The following CRY1 variants were observed in gnomAD, a reference collection of about 807,000 sequenced individuals.
CRY1 encodes cryptochrome circadian regulator 1.
Under a neutral mutation model 76.0 loss-of-function variants are expected in CRY1, and 45 were observed. The ratio of observed to expected loss-of-function variants is 0.59; its 90% CI spans 0.47 to 0.76. CRY1 has a LOEUF of 0.76. Ranked by LOEUF, CRY1 falls within the 30% of genes least tolerant of loss-of-function variation. CRY1 has a pLI of 0.00. For synonymous variants in CRY1, 248 were observed against 244.0 expected, an observed-to-expected ratio of 1.02 and a Z score of -0.15; for missense variants, 587 against 716.4, an observed-to-expected ratio of 0.82 and a Z score of 2.06.
intron 1 of CRY1, chr12:107,050,426 A>G (rs776346028): frequency 6.6e-6 from 1 of 152,238 alleles, no homozygotes; most frequent in Non-Finnish European, 1.5e-5. Context: ...GGTTGGTGCT[A>G]TCGTCATGAT....
At chr12:107,014,285 G>A (rs985387265) in intron 2 of CRY1, among the ~76,000 whole-genome samples, 4 of 152,122 alleles carry the variant, frequency 2.6e-5, no homozygotes, top group African/African-American at 9.7e-5. Context: ...CTTATCAGAG[G>A]GTATAAATAG....
chr12:107,044,550 A>G (rs1306256136), intron 1 of CRY1, among the ~76,000 whole-genome samples: 1 of 152,236 alleles, frequency 6.6e-6, no homozygotes, highest in Admixed American at 6.5e-5. Context: ...TATTTTAGGA[A>G]GTTTGGAAGA....
At chr12:106,997,798 AC>A in intron 8 of CRY1, 108 bp from the exon 9 acceptor site, 1 of 1,523,550 alleles carries the variant, frequency 6.6e-7, no homozygotes, top group East Asian at 2.3e-5. Flanking sequence ...TGATCTGTTT[AC>A]CCTTCTCATC....
At chr12:107,063,351 T>C (rs1953070645) in intron 1 of CRY1, among the ~76,000 whole-genome samples, 1 of 152,216 alleles carries the variant, frequency 6.6e-6, no homozygotes, top group Non-Finnish European at 1.5e-5. Context: ...GGTTGAGTTG[T>C]CAATTACCTG....
chr12:106,996,635 T>C (rs1393421898), intron 10 of CRY1, among the ~76,000 whole-genome samples: 1 of 152,230 alleles, frequency 6.6e-6, no homozygotes, highest in Non-Finnish European at 1.5e-5. Flanking sequence ...CAGCATCTGT[T>C]GTTTCTTGAC....
At chr12:107,010,390 C>A (rs1206259883) in intron 2 of CRY1, among the ~76,000 whole-genome samples, 1 of 152,148 alleles carries the variant, frequency 6.6e-6, no homozygotes. Flanking sequence ...GAAAAATTTA[C>A]AAGGGCAACT....
intron 1 of CRY1, among the ~76,000 whole-genome samples, chr12:107,081,158 T>C (rs533247557): frequency 6.6e-6 from 1 of 152,192 alleles, no homozygotes; most frequent in East Asian, 1.9e-4. Context: ...TAGATTTGGT[T>C]ACTGAAAATT....
intron 10 of CRY1, among the ~76,000 whole-genome samples, chr12:106,994,050 AAAC>A (rs1248895081): frequency 6.6e-6 from 1 of 150,990 alleles, no homozygotes; most frequent in Non-Finnish European, 1.5e-5. Context: ...GTCATTAAAA[AAAC>A]AAACAAAAAC....
At chr12:107,056,881 C>T (rs1277978440) in intron 1 of CRY1, among the ~76,000 whole-genome samples, 2 of 151,902 alleles carry the variant, frequency 1.3e-5, no homozygotes, top group African/African-American at 4.8e-5. Context: ...AACCCAGAAA[C>T]CTAAAATTCT....
intron 1 of CRY1, among the ~76,000 whole-genome samples, chr12:107,047,268 T>C (rs1268735396): frequency 1.3e-5 from 2 of 152,204 alleles, no homozygotes; most frequent in Admixed American, 6.5e-5. Context: ...CACTTCTGAA[T>C]GACCAGTGGA....
At chr12:107,021,963 A>T in intron 2 of CRY1, 121 bp downstream of exon 2, 1 of 751,928 alleles carries the variant, frequency 1.3e-6, no homozygotes. Context: ...AAAAACCCAC[A>T]AAATTTTTAC....
At chr12:107,006,247 A>G (rs1362457042) in intron 2 of CRY1, among the ~76,000 whole-genome samples, 1 of 151,974 alleles carries the variant, frequency 6.6e-6, no homozygotes, top group South Asian at 2.1e-4. Flanking sequence ...TTAGCTGGGT[A>G]TGGTGGCACA....
intron 1 of CRY1, among the ~76,000 whole-genome samples, chr12:107,033,236 A>G (rs1284311993): frequency 2.0e-5 from 3 of 152,212 alleles, no homozygotes; most frequent in Non-Finnish European, 4.4e-5. Flanking sequence ...GAATAATTCT[A>G]AGTCACTAAA....
intron 7 of CRY1, 29 bp downstream of exon 7, chr12:106,999,522 A>G: frequency 6.5e-7 from 1 of 1,545,758 alleles, no homozygotes; most frequent in South Asian, 1.3e-5. Flanking sequence ...CTTCAAAATA[A>G]GGCATGCTAT....
chr12:106,992,684 T>G, intron 12 of CRY1, 103 bp downstream of exon 12: 1 of 1,096,890 alleles, frequency 9.1e-7, no homozygotes, highest in Non-Finnish European at 1.3e-6. Flanking sequence ...GCCTCAAGAT[T>G]TTCTGGTTTG....
intron 2 of CRY1, among the ~76,000 whole-genome samples, chr12:107,010,894 C>T (rs902192358): frequency 1.3e-5 from 2 of 152,186 alleles, no homozygotes; most frequent in Non-Finnish European, 1.5e-5. Context: ...CTCTCCCTCT[C>T]CTCAGGCCTC....
Position 106,992,839 on chromosome 12 carries a change from T to A in CRY1, c.1709A>T (p.Glu570Val). 6.2e-7 allele frequency: 1 copy of A among 1,614,090 alleles called. No individual in the cohort carries two copies. The highest frequency in any genetic ancestry group is 1.1e-5 in the South Asian group (1 of 91,086). ...GLSGGKRPSQ[E>V]EDTQSIGPKV... ...AGGACCAATACTCTGTGTGTCCTCT[T>A]CCTGACTAGGACGTTTCCCACCACT... The change falls in exon 12 of 13, where the codon GAA (glutamate) becomes GTA (valine). Residue 570 changes from glutamate to valine, a missense_variant. Coordinates refer to ENST00000008527, the MANE Select transcript of CRY1 (RefSeq NM_004075.5).
At chr12:106,998,692 A>ACACACACACACACAC (rs35847830) in intron 7 of CRY1, among the ~76,000 whole-genome samples, 2 of 150,848 alleles carry the variant, frequency 1.3e-5, no homozygotes, top group African/African-American at 4.9e-5. Context: ...ACACACACAC[A>ACACACACACACACAC]AGCTCAGAAA....
intron 1 of CRY1, among the ~76,000 whole-genome samples, chr12:107,031,566 ACAAT>A (rs892394866): frequency 6.6e-6 from 1 of 152,214 alleles, no homozygotes; most frequent in African/African-American, 2.4e-5. Flanking sequence ...CCTTAACCAC[ACAAT>A]CAGAGTCAAC....
Sources: allele counts gnomAD v4.1 joint callset (sites outside exome capture counted in the v4.1 genomes callset), GRCh38; gene constraint gnomAD v4.1.1; transcripts MANE v1.5; gene names NCBI Gene and HGNC (gene_info 2026-07-23, HGNC 2026-07-21).